LPP: variants seen among roughly 807,000 people sequenced by gnomAD.
The protein encoded by LPP is lipoma-preferred partner.
Under a neutral mutation model 60.4 loss-of-function variants are expected in LPP, and 38 were observed. The ratio of observed to expected loss-of-function variants is 0.63; its 90% CI spans 0.49 to 0.83. The LOEUF is 0.83. LPP is among the 40% of genes least tolerant of loss of function. LPP has a pLI of 0.00. For missense variants in LPP, 902 were observed against 783.6 expected, an observed-to-expected ratio of 1.15 and a Z score of -1.80; for synonymous variants, 328 against 290.8, an observed-to-expected ratio of 1.13 and a Z score of -1.30.
At chr3:188,824,684 T>C (rs1424066979) in intron 9 of LPP, among the ~76,000 whole-genome samples, 1 of 152,172 alleles carries the variant, frequency 6.6e-6, no homozygotes, top group Non-Finnish European at 1.5e-5. Context: ...GGTTATTTTG[T>C]GCTGAATGGT....
intron 9 of LPP, among the ~76,000 whole-genome samples, chr3:188,835,473 G>A (rs898640905): frequency 6.6e-6 from 1 of 151,278 alleles, no homozygotes; most frequent in Non-Finnish European, 1.5e-5. Flanking sequence ...AAAAAAATCA[G>A]CTGGTGGTGG....
At chr3:188,204,790 C>G (rs17665246) in intron 1 of LPP, among the ~76,000 whole-genome samples, 1 of 151,944 alleles carries the variant, frequency 6.6e-6, no homozygotes, top group Non-Finnish European at 1.5e-5. Flanking sequence ...TTTTCTCAAA[C>G]TCACATTTCT....
chr3:188,321,431 G>A (rs370037656), intron 2 of LPP, among the ~76,000 whole-genome samples: 1 of 152,276 alleles, frequency 6.6e-6, no homozygotes, highest in South Asian at 2.1e-4. Flanking sequence ...CTATTGGATG[G>A]TGCTGGCTTA....
At chr3:188,502,923 T>G (rs1812325275) in intron 5 of LPP, among the ~76,000 whole-genome samples, 1 of 152,098 alleles carries the variant, frequency 6.6e-6, no homozygotes, top group Admixed American at 6.5e-5. Flanking sequence ...AGTATCGTGT[T>G]TAATGAATGT....
At chr3:188,395,513 T>G (rs968156844) in intron 3 of LPP, among the ~76,000 whole-genome samples, 1 of 152,196 alleles carries the variant, frequency 6.6e-6, no homozygotes, top group African/African-American at 2.4e-5. Flanking sequence ...ATTATATGTG[T>G]GAGCCACTGC....
chr3:188,813,254 T>C (rs991091737), intron 9 of LPP, among the ~76,000 whole-genome samples: 3 of 152,194 alleles, frequency 2.0e-5, no homozygotes, highest in Admixed American at 2.0e-4. Context: ...ACCTTAGCTA[T>C]TTCATTGCAA....
intron 6 of LPP, among the ~76,000 whole-genome samples, chr3:188,575,917 G>A (rs1371425416): frequency 1.3e-5 from 2 of 151,982 alleles, no homozygotes; most frequent in African/African-American, 4.8e-5. Flanking sequence ...GGAATAAAAT[G>A]TGATGATCTT....
At chr3:188,841,457 T>C (rs1759995199) in intron 9 of LPP, among the ~76,000 whole-genome samples, 1 of 140,366 alleles carries the variant, frequency 7.1e-6, no homozygotes, top group African/African-American at 2.6e-5. Flanking sequence ...AGTGGCACGA[T>C]CTCGGCTCAC....
At chr3:188,462,571 T>C in intron 4 of LPP, among the ~76,000 whole-genome samples, 1 of 64,704 alleles carries the variant, frequency 1.5e-5, no homozygotes, top group South Asian at 7.3e-4. Context: ...TATATATATA[T>C]ATATATATAT....
rs1002879636 is a variant in LPP, at chr3:188,889,410, A to G, written c.*14931A>G. ...CATGATTCCAAAAAAGATCGTTCTC[A>G]ATGTGTCGTCTGACTCAACCAGCTG... On this transcript the variant is annotated 3_prime_UTR_variant, in exon 12 of 12. Coordinates refer to ENST00000617246, the MANE Select transcript of LPP (RefSeq NM_001375462.1). 1 of 231,920 alleles carries G rather than the reference A, an allele frequency of 4.3e-6. No homozygotes were observed. Among genetic ancestry groups the G allele is most frequent in the African/African-American group, 2.2e-5 (1 of 45,366 alleles). The allele number at this position is 231,920 out of a possible 1,614,324, so 14.4% of individuals were successfully genotyped here.
intron 6 of LPP, among the ~76,000 whole-genome samples, chr3:188,527,206 T>A (rs1006530510): frequency 6.6e-6 from 1 of 151,930 alleles, no homozygotes; most frequent in African/African-American, 2.4e-5. Flanking sequence ...AAAAAATAGC[T>A]GTGCGTGGTG....
chr3:188,570,429 A>G (rs1833272500), intron 6 of LPP, among the ~76,000 whole-genome samples: 1 of 152,024 alleles, frequency 6.6e-6, no homozygotes, highest in Admixed American at 6.6e-5. Context: ...ATCCACATCA[A>G]TTTAAAATAA....
At chr3:188,195,843 C>T (rs1577224774) in intron 1 of LPP, among the ~76,000 whole-genome samples, 1 of 152,114 alleles carries the variant, frequency 6.6e-6, no homozygotes, top group Non-Finnish European at 1.5e-5. Context: ...GCATCTTATT[C>T]CTTTTGGACA....
chr3:188,548,544 C>T (rs1276978622), intron 6 of LPP, among the ~76,000 whole-genome samples: 2 of 152,132 alleles, frequency 1.3e-5, no homozygotes, highest in Admixed American at 1.3e-4. Context: ...CTCTTTTTAT[C>T]CATGCATTGG....
At chr3:188,314,184 T>C (rs1754366101) in intron 2 of LPP, among the ~76,000 whole-genome samples, 1 of 152,228 alleles carries the variant, frequency 6.6e-6, no homozygotes, top group Admixed American at 6.5e-5. Flanking sequence ...CTTTTGTGTC[T>C]GAGTTTAATG....
chr3:188,780,506 G>T (rs1185062371), intron 9 of LPP, among the ~76,000 whole-genome samples: 1 of 152,112 alleles, frequency 6.6e-6, no homozygotes, highest in East Asian at 1.9e-4. Context: ...ATTCCCAAAG[G>T]AATCATCTGT....
chr3:188,628,583 G>A (rs568973039), intron 7 of LPP, among the ~76,000 whole-genome samples: 7 of 152,158 alleles, frequency 4.6e-5, no homozygotes, highest in African/African-American at 1.7e-4. Flanking sequence ...CCAATAATGA[G>A]TTCCAAAATT....
intron 4 of LPP, among the ~76,000 whole-genome samples, chr3:188,458,263 G>A (rs1798219532): frequency 1.3e-5 from 2 of 152,158 alleles, no homozygotes; most frequent in Admixed American, 1.3e-4. Context: ...AGGGATTTAA[G>A]CACTTTCGAC....
chr3:188,533,131 A>G (rs1822631465), intron 6 of LPP, among the ~76,000 whole-genome samples: 1 of 152,170 alleles, frequency 6.6e-6, no homozygotes, highest in Non-Finnish European at 1.5e-5. Context: ...ATAAGAATTC[A>G]TGTGGTCTGA....
Sources: allele counts gnomAD v4.1 joint callset (sites outside exome capture counted in the v4.1 genomes callset), GRCh38; gene constraint gnomAD v4.1.1; transcripts MANE v1.5; gene names NCBI Gene and HGNC (gene_info 2026-07-23, HGNC 2026-07-21).